The following ITGAE variants were observed in gnomAD, a reference collection of about 807,000 sequenced individuals.
ITGAE encodes integrin subunit alpha E.
In ITGAE, 99 loss-of-function variants were observed where a neutral mutation model predicts 136.5. The observed-to-expected ratio is 0.73, with a 90% CI of 0.62 to 0.86. The LOEUF is 0.86. ITGAE is among the 40% of genes least tolerant of loss of function. ITGAE has a pLI of 0.00. For missense variants in ITGAE, 1,447 were observed against 1,515.3 expected (o/e 0.95, Z 0.75); for synonymous variants, 613 against 591.8 (o/e 1.04, Z -0.52).
At chr17:3,738,140 C>T (rs925346650) in intron 20 of ITGAE, among the ~76,000 whole-genome samples, 11 of 152,154 alleles carry the variant, frequency 7.2e-5, no homozygotes, top group African/African-American at 2.4e-4. Context: ...CAACACTAGT[C>T]GCCAAGGACG....
At position 3,796,120 on chromosome 17, in the gene ITGAE, C is replaced by CGTGTGTGTGTG. The variant is rs528247106; in HGVS notation, c.34+4990_34+4991insCACACACACAC. 1.7e-4 allele frequency among the ~76,000 whole-genome samples: 22 copies of CGTGTGTGTGTG among 125,816 alleles called. 1 individual carries two copies. Among genetic ancestry groups the CGTGTGTGTGTG allele is most frequent in the South Asian group, 1.1e-3 (4 of 3,768 alleles). 82.5% of individuals were successfully genotyped at this position (125,816 alleles called of 152,430 possible). ...GTGTGTGTGCATCCCTGTGTGCATC[C>CGTGTGTGTGTG]CTGTGTGTGCATCCATGTGTGTGCA... On this transcript the variant is annotated intron_variant, in intron 1 of 30. Transcript: ENST00000263087.
intron 28 of ITGAE, chr17:3,721,711 C>T (rs2051054316): frequency 6.6e-6 from 1 of 152,184 alleles, no homozygotes; most frequent in Non-Finnish European, 1.5e-5. Context: ...ATCACTAGTT[C>T]CCACTTTAGA....
intron 26 of ITGAE, among the ~76,000 whole-genome samples, chr17:3,727,693 C>G (rs1179774333): frequency 6.6e-6 from 1 of 152,166 alleles, no homozygotes; most frequent in Non-Finnish European, 1.5e-5. Context: ...GCCACCGCAC[C>G]TGGCCAATTT....
rs2052065922 is a variant in ITGAE, at chr17:3,757,784, G to A, written c.942C>T (p.Gly314=). The A allele has an allele frequency of 1.9e-6, 3 of 1,614,046 alleles. No individual in the cohort carries two copies. The highest frequency in any genetic ancestry group is 1.7e-5 in the Admixed American group (1 of 59,992). Residue 314 remains glycine (G), a synonymous_variant, in exon 9 of 31, where the codon GGC becomes GGT. Coordinates refer to ENST00000263087, the MANE Select transcript of ITGAE (RefSeq NM_002208.5). ...SKVMVVLTDG[G]IFEDPLNLTT... ...TAAGGTTGAGGGGGTCCTCGAATAT[G>A]CCACCATCGGTGAGCACCACCATGA...
In ITGAE at chr17:3,789,708, C is replaced by T. The variant is rs565111519; in HGVS notation, c.34+11403G>A. ...TAGAGATGGAGTTTCACTCTGTTGG[C>T]CAGGCTGGTCTTGAACTCCTGATCT... On this transcript the variant is annotated intron_variant, in intron 1 of 30. Coordinates refer to ENST00000263087, the MANE Select transcript of ITGAE (RefSeq NM_002208.5). Among the ~76,000 whole-genome samples, 30 of 152,174 alleles carry T rather than the reference C, an allele frequency of 2.0e-4. No homozygotes were observed. The South Asian group carries it at 6.0e-3, about 30-fold the overall frequency.
intron 29 of ITGAE, 188 bp from the exon 30 acceptor site, chr17:3,716,986 A>G (rs1567750915): frequency 5.6e-6 from 3 of 531,962 alleles, no homozygotes; most frequent in East Asian, 3.2e-5. Flanking sequence ...AAACTATCCA[A>G]TCACCCAAAT....
intron 30 of ITGAE, among the ~76,000 whole-genome samples, chr17:3,715,983 C>T (rs1038912301): frequency 2.0e-5 from 3 of 151,938 alleles, no homozygotes; most frequent in South Asian, 2.1e-4. Flanking sequence ...GGTGAAACCC[C>T]GTCTCTACTA....
intron 15 of ITGAE, among the ~76,000 whole-genome samples, chr17:3,750,961 G>A (rs914074298): frequency 2.0e-5 from 3 of 152,090 alleles, no homozygotes; most frequent in South Asian, 2.1e-4. Flanking sequence ...AGCTGGGACC[G>A]CAGGGGTGGG....
intron 2 of ITGAE, among the ~76,000 whole-genome samples, chr17:3,771,491 G>A (rs1428091067): frequency 2.0e-5 from 3 of 151,986 alleles, no homozygotes; most frequent in East Asian, 3.9e-4. Context: ...TTCACTCTGC[G>A]GATGTTCACT....
intron 21 of ITGAE, 69 bp from the exon 22 acceptor site, chr17:3,732,535 C>T: frequency 7.9e-7 from 1 of 1,267,824 alleles, no homozygotes; most frequent in Non-Finnish European, 1.2e-6. Context: ...GGTTTCCTCA[C>T]AGCAATTCAG....
At position 3,801,178 on chromosome 17, in the gene ITGAE, G is replaced by A. The variant is rs200955057; in HGVS notation, c.-34C>T. 3.3e-4 allele frequency: 533 copies of A among 1,607,276 alleles called. No individual in the cohort carries two copies. The highest frequency in any genetic ancestry group is 3.2e-3 in the African/African-American group (242 of 75,066). The stretch of plus-strand genomic sequence containing the variant: ...GAGCAGAGGCGGCTGTGTGGGAGCC[G>A]AGGCGAGTGCGACACATGGGCCGTG... On this transcript the variant is annotated 5_prime_UTR_variant, in exon 1 of 31. Transcript: ENST00000263087.
intron 1 of ITGAE, among the ~76,000 whole-genome samples, chr17:3,783,512 G>A (rs2052711431): frequency 6.6e-6 from 1 of 152,086 alleles, no homozygotes; most frequent in South Asian, 2.1e-4. Context: ...CATTTTATAC[G>A]GAAACTGTAT....
chr17:3,747,395 G>A (rs1490908849), intron 17 of ITGAE, among the ~76,000 whole-genome samples: 6 of 151,908 alleles, frequency 3.9e-5, no homozygotes, highest in Non-Finnish European at 5.9e-5. Context: ...TCAGCTCACT[G>A]CAAGCTCCGT....
chr17:3,733,046 C>T (rs1406755879), intron 21 of ITGAE, among the ~76,000 whole-genome samples: 4 of 152,284 alleles, frequency 2.6e-5, no homozygotes, highest in Middle Eastern at 3.4e-3. Flanking sequence ...TGAAGTGGCG[C>T]GATCTCGGCT....
intron 20 of ITGAE, 104 bp downstream of exon 20, chr17:3,739,701 G>A (rs2051538962): frequency 1.1e-6 from 1 of 951,100 alleles, no homozygotes; most frequent in Non-Finnish European, 1.7e-6. Flanking sequence ...GTGGGCCACG[G>A]GGAGAGGGGA....
At chr17:3,755,680 A>G (rs111337074) in intron 11 of ITGAE, 150 bp downstream of exon 11, 20 of 546,866 alleles carry the variant, frequency 3.7e-5, no homozygotes, top group African/African-American at 3.5e-4. Context: ...ATAAATAAAT[A>G]AATTAATTAA....
At chr17:3,781,337 C>T (rs751038625) in intron 1 of ITGAE, among the ~76,000 whole-genome samples, 2 of 151,374 alleles carry the variant, frequency 1.3e-5, no homozygotes, top group African/African-American at 2.4e-5. Flanking sequence ...TTTCTTCTTT[C>T]ATTTCTTTTT....
rs117052767 is a variant in ITGAE, at chr17:3,726,354, C to T, written c.3084+1565G>A. 1.2e-5 allele frequency: 19 copies of T among 1,527,982 alleles called. No individual in the cohort carries two copies. The East Asian group carries it at 4.1e-4, about 33-fold the overall frequency. 94.7% of individuals were successfully genotyped at this position (1,527,982 alleles called of 1,614,324 possible). ...GTAAGCTAAATGTATCTTACTGCCC[C>T]GAAATGAGAGGAGACTGGTCTTGAA... On this transcript the variant is annotated intron_variant, in intron 26 of 30. Transcript: ENST00000263087.
intron 26 of ITGAE, chr17:3,724,271 C>T (rs1251400752): frequency 1.3e-6 from 2 of 1,590,218 alleles, no homozygotes; most frequent in South Asian, 2.2e-5. Flanking sequence ...TAACCGTGAC[C>T]CCAAGACGCC....
Sources: gnomAD v4.1 joint callset for allele counts (sites outside exome capture counted in the v4.1 genomes callset) on GRCh38, gnomAD v4.1.1 for gene constraint, MANE v1.5 for transcripts, NCBI Gene and HGNC (gene_info 2026-07-23, HGNC 2026-07-21) for gene names.